The following EPHA5 variants were observed in gnomAD, a reference collection of about 807,000 sequenced individuals.
EPHA5 encodes the protein ephrin type-A receptor 5.
EPHA5 carries 60 observed loss-of-function variants against 105.0 expected under a neutral mutation model. That is an observed-to-expected ratio of 0.57 (90% CI 0.46 to 0.71). The LOEUF is 0.71. Among genes scored for constraint, EPHA5 ranks in the 30% least tolerant of loss-of-function variants. EPHA5 has a pLI of 0.00. For missense variants in EPHA5, 1,218 were observed against 1,274.7 expected (o/e 0.96, Z 0.68); for synonymous variants, 513 against 449.1 (o/e 1.14, Z -1.80).
intron 5 of EPHA5, among the ~76,000 whole-genome samples, chr4:65,481,910 A>G (rs1044018263): frequency 6.6e-6 from 1 of 152,238 alleles, no homozygotes; most frequent in Non-Finnish European, 1.5e-5. Flanking sequence ...GCTAAGTTAA[A>G]TAAAGTTCAG....
At chr4:65,489,984 T>G (rs1731245987) in intron 5 of EPHA5, among the ~76,000 whole-genome samples, 1 of 152,016 alleles carries the variant, frequency 6.6e-6, no homozygotes, top group Admixed American at 6.6e-5. Context: ...AACAAGCAAA[T>G]AAAACCTGCC....
At chr4:65,608,367 G>C (rs1402012436) in intron 2 of EPHA5, among the ~76,000 whole-genome samples, 1 of 151,986 alleles carries the variant, frequency 6.6e-6, no homozygotes, top group Non-Finnish European at 1.5e-5. Flanking sequence ...AGCCGGGCGT[G>C]GTGGTGGGCA....
intron 1 of EPHA5, among the ~76,000 whole-genome samples, chr4:65,651,692 A>G (rs1748624085): frequency 6.6e-6 from 1 of 152,202 alleles, no homozygotes; most frequent in Non-Finnish European, 1.5e-5. Flanking sequence ...ATCACCACAA[A>G]GATGTTATAG....
rs1733910314 is a variant in EPHA5, at chr4:65,514,439, C to T, written c.911-18896G>A. 2.0e-5 allele frequency among the ~76,000 whole-genome samples: 3 copies of T among 152,172 alleles called. No individual in the cohort carries two copies. The South Asian group carries it at 6.2e-4, about 31-fold the overall frequency. ...ACTCAAGAGGCCACATGAAGAGCTACATGTAGGTATTCTAGCTTACAGTCT... is the reference window on the plus strand; with the variant it reads ...ACTCAAGAGGCCACATGAAGAGCTATATGTAGGTATTCTAGCTTACAGTCT... On this transcript the variant is annotated intron_variant, in intron 3 of 16. Transcript: ENST00000613740.
intron 3 of EPHA5, among the ~76,000 whole-genome samples, chr4:65,501,862 G>A (rs1427392293): frequency 6.6e-6 from 1 of 151,838 alleles, no homozygotes; most frequent in South Asian, 2.1e-4. Context: ...ACAGTATAAG[G>A]TTCCAGTAAG....
intron 3 of EPHA5, among the ~76,000 whole-genome samples, chr4:65,599,663 T>C (rs541325668): frequency 6.6e-6 from 1 of 152,116 alleles, no homozygotes; most frequent in Non-Finnish European, 1.5e-5. Context: ...CTGCTCCTAC[T>C]ACCAAGGGAG....
intron 3 of EPHA5, among the ~76,000 whole-genome samples, chr4:65,534,582 A>G (rs143575237): frequency 1.6e-4 from 24 of 152,370 alleles, no homozygotes; most frequent in African/African-American, 5.8e-4. Context: ...AACTGGGCAG[A>G]CAAAGATGTC....
chr4:65,665,439 A>C (rs920641067), intron 1 of EPHA5, among the ~76,000 whole-genome samples: 4 of 152,106 alleles, frequency 2.6e-5, no homozygotes, highest in Non-Finnish European at 5.9e-5. Context: ...ATATCATTTC[A>C]TTTTGATTTT....
chr4:65,421,844 GATGA>G (rs1723976292), intron 5 of EPHA5, among the ~76,000 whole-genome samples: 1 of 152,192 alleles, frequency 6.6e-6, no homozygotes, highest in Admixed American at 6.6e-5. Flanking sequence ...TGGATGGATG[GATGA>G]ATGAATGGCA....
At chr4:65,477,541 T>A (rs1205239485) in intron 5 of EPHA5, among the ~76,000 whole-genome samples, 1 of 152,068 alleles carries the variant, frequency 6.6e-6, no homozygotes, top group Admixed American at 6.5e-5. Flanking sequence ...GGCTCCCAAG[T>A]AGCTGGGATT....
chr4:65,569,066 C>T (rs1183427491), intron 3 of EPHA5, among the ~76,000 whole-genome samples: 3 of 151,344 alleles, frequency 2.0e-5, no homozygotes, highest in Non-Finnish European at 3.0e-5. Flanking sequence ...ACTTACTATG[C>T]AAACATGCCA....
intron 5 of EPHA5, among the ~76,000 whole-genome samples, chr4:65,458,548 A>C (rs13435759): frequency 0.25 from 37,659 of 151,930 alleles, 5,134 homozygotes; most frequent in Middle Eastern, 0.35. Context: ...GGAAATAATC[A>C]CTGTTTCTTC....
At chr4:65,464,754 A>T (rs1450302806) in intron 5 of EPHA5, among the ~76,000 whole-genome samples, 1 of 152,146 alleles carries the variant, frequency 6.6e-6, no homozygotes, top group African/African-American at 2.4e-5. Context: ...TAGTATTTAG[A>T]ATAAATCAGT....
At chr4:65,407,472 A>G (rs1197593338) in intron 7 of EPHA5, among the ~76,000 whole-genome samples, 1 of 151,514 alleles carries the variant, frequency 6.6e-6, no homozygotes, top group Non-Finnish European at 1.5e-5. Flanking sequence ...AATATATTGC[A>G]TTAAAATAAT....
At chr4:65,474,262 G>A (rs1326893917) in intron 5 of EPHA5, among the ~76,000 whole-genome samples, 1 of 152,072 alleles carries the variant, frequency 6.6e-6, no homozygotes, top group East Asian at 1.9e-4. Flanking sequence ...TAGATAATGA[G>A]AGTTTTCATC....
intron 7 of EPHA5, among the ~76,000 whole-genome samples, chr4:65,411,706 A>G (rs1252834180): frequency 2.0e-5 from 3 of 152,208 alleles, no homozygotes; most frequent in African/African-American, 7.2e-5. Context: ...ATTGCCCAGT[A>G]AAATAATTAA....
intron 3 of EPHA5, among the ~76,000 whole-genome samples, chr4:65,552,713 A>C (rs946544421): frequency 6.6e-6 from 1 of 152,174 alleles, no homozygotes; most frequent in African/African-American, 2.4e-5. Context: ...TCTTTAAAAA[A>C]TATCAATCAT....
intron 5 of EPHA5, among the ~76,000 whole-genome samples, chr4:65,471,415 AAAATCTT>A (rs1729272492): frequency 6.6e-6 from 1 of 152,338 alleles, no homozygotes; most frequent in South Asian, 2.1e-4. Context: ...TAACAACTTG[AAAATCTT>A]AATAATTATT....
At chr4:65,461,239 G>A (rs888002727) in intron 5 of EPHA5, among the ~76,000 whole-genome samples, 2 of 151,878 alleles carry the variant, frequency 1.3e-5, no homozygotes, top group Admixed American at 1.3e-4. Context: ...AAGACTTTAA[G>A]TGAAGAACAG....
Sources: allele counts gnomAD v4.1 joint callset (sites outside exome capture counted in the v4.1 genomes callset), GRCh38; gene constraint gnomAD v4.1.1; transcripts MANE v1.5; gene names NCBI Gene and HGNC (gene_info 2026-07-23, HGNC 2026-07-21).